BRIP1: variants seen among roughly 807,000 people sequenced by gnomAD.
The protein encoded by BRIP1 is Fanconi anemia group J protein.
In BRIP1, 88 loss-of-function variants were observed where a neutral mutation model predicts 119.7. The ratio of observed to expected loss-of-function variants is 0.74; its 90% CI spans 0.62 to 0.88. The LOEUF is 0.88. Ranked by LOEUF, BRIP1 falls within the 40% of genes least tolerant of loss-of-function variation. The probability of loss-of-function intolerance (pLI) is 0.00; values close to 1 mark genes in which losing one functional copy is unlikely to be tolerated. For missense variants in BRIP1, 1,259 were observed against 1,455.4 expected, an observed-to-expected ratio of 0.87 and a Z score of 2.20; for synonymous variants, 443 against 496.5, an observed-to-expected ratio of 0.89 and a Z score of 1.43.
rs973385731 is a variant in BRIP1 at position 61,753,781 on chromosome 17, A to G, written c.2098-9190T>C. Among the ~76,000 whole-genome samples, 2 of 151,830 alleles carry G rather than the reference A, an allele frequency of 1.3e-5. No homozygotes were observed. Among genetic ancestry groups the G allele is most frequent in the African/African-American group, 2.4e-5 (1 of 41,316 alleles). Reference sequence around the variant, plus strand: ...CATGTCTGGCTTGAAAAGAACAACAACAACAACAACAACAAAAAACCAGAG... The same window carrying G: ...CATGTCTGGCTTGAAAAGAACAACAGCAACAACAACAACAAAAAACCAGAG... On this transcript the variant is annotated intron_variant, in intron 14 of 19. Coordinates refer to ENST00000259008, the MANE Select transcript of BRIP1 (RefSeq NM_032043.3). The surrounding 1 kb of genome is among the most constrained non-coding windows in gnomAD (Gnocchi z 4.6).
rs1023121634 is a variant in BRIP1 at position 61,767,954 on chromosome 17, C to A, written c.2097+8447G>T. Among the ~76,000 whole-genome samples the A allele has an allele frequency of 3.9e-5, 6 of 152,160 alleles. No homozygotes were observed. Among genetic ancestry groups the A allele is most frequent in the African/African-American group, 1.4e-4 (6 of 41,446 alleles). ...TATCAACCACCTCCTCTAGGAAACT[C>A]CTCTGCTTCATTCAATCACATGTGA... On this transcript the variant is annotated intron_variant, in intron 14 of 19. Coordinates refer to ENST00000259008, the MANE Select transcript of BRIP1 (RefSeq NM_032043.3). The surrounding 1 kb of genome is among the most constrained non-coding windows in gnomAD (Gnocchi z 5.7).
chr17:61,796,437 T>C lies in BRIP1; in HGVS notation c.1340+2663A>G, dbSNP rs1039535569. On this transcript the variant is annotated intron_variant, in intron 9 of 19. Transcript: ENST00000259008. This position sits in a 1 kb window ranked among gnomAD's most constrained non-coding sequence, Gnocchi z 4.8. ...ATTTTGATTTGATTTTTGTTAATGG[T>C]GAAAGATAGGGGTCTTGTTTTATTC... Among the ~76,000 whole-genome samples the C allele has an allele frequency of 1.3e-5, 2 of 152,080 alleles. No individual in the cohort carries two copies. The highest frequency in any genetic ancestry group is 4.8e-5 in the African/African-American group (2 of 41,440).
chr17:61,741,883 C>T (rs2076991406), intron 16 of BRIP1, among the ~76,000 whole-genome samples: 1 of 152,208 alleles, frequency 6.6e-6, no homozygotes. Context: ...GCTGCACTGG[C>T]CCATCACAAG....
At position 61,793,695 on chromosome 17, in the gene BRIP1, T is replaced by C. The variant is rs752052351; in HGVS notation, c.1375A>G (p.Arg459Gly). Residue 459 changes from arginine (R) to glycine (G), a missense_variant, in exon 10 of 20, where the codon AGA (arginine) becomes GGA (glycine). Coordinates refer to ENST00000259008, the MANE Select transcript of BRIP1 (RefSeq NM_032043.3). The surrounding 1 kb of genome is among the most constrained non-coding windows in gnomAD (Gnocchi z 5.2). ...ATTTTACAAGCTGATTCATAATCTC[T>C]TTCTACAAGATATTCAGCGTTTGCT... is the stretch of plus-strand genomic sequence containing the variant. The part of the protein sequence containing the change: ...LEANAEYLVE[R>G]DYESACKIWS... 4 of 1,610,664 alleles carry C rather than the reference T, an allele frequency of 2.5e-6. No homozygotes were observed. Among genetic ancestry groups the C allele is most frequent in the East Asian group, 2.2e-5 (1 of 44,712 alleles).
At chr17:61,786,935 A>ATTTATATATAATATATTTAT (rs1555604355) in intron 10 of BRIP1, among the ~76,000 whole-genome samples, 82 of 6,878 alleles carry the variant, frequency 0.012, no homozygotes, top group Non-Finnish European at 0.019. Flanking sequence ...ATTTATATAT[A>ATTTATATATAATATATTTAT]ATATATTTAT....
chr17:61,735,559 C>T lies in BRIP1; in HGVS notation c.2379+7454G>A, dbSNP rs909454495. Among the ~76,000 whole-genome samples the T allele has an allele frequency of 7.4e-5, 11 of 149,008 alleles. No individual in the cohort carries two copies. Among genetic ancestry groups the T allele is most frequent in the Admixed American group, 1.3e-4 (2 of 14,946 alleles). ...ATCCCAGCACTTTGGGAGGCTGACG[C>T]GGGTGGATTACTTGAGCTCAGGAGT... On this transcript the variant is annotated intron_variant, in intron 16 of 19. Coordinates refer to ENST00000259008, the MANE Select transcript of BRIP1 (RefSeq NM_032043.3). This position sits in a 1 kb window ranked among gnomAD's most constrained non-coding sequence, Gnocchi z 4.4.
intron 17 of BRIP1, among the ~76,000 whole-genome samples, chr17:61,707,545 T>C (rs2061709079): frequency 1.3e-5 from 2 of 152,204 alleles, no homozygotes; most frequent in Admixed American, 6.5e-5. Context: ...TATTGCATAC[T>C]GATCCTCTAA....
At chr17:61,773,922 A>G (rs1357749672) in intron 14 of BRIP1, among the ~76,000 whole-genome samples, 1 of 152,220 alleles carries the variant, frequency 6.6e-6, no homozygotes, top group African/African-American at 2.4e-5. Context: ...TGATCATTAA[A>G]CAGTCAGGAA....
intron 6 of BRIP1, among the ~76,000 whole-genome samples, chr17:61,829,035 T>A (rs899011197): frequency 4.0e-5 from 6 of 151,846 alleles, no homozygotes; most frequent in African/African-American, 1.5e-4. Context: ...TTTAATTAAT[T>A]CAAAGAAGAC....
At position 61,827,851 on chromosome 17, in the gene BRIP1, T is replaced by A. The variant is rs1567853035; in HGVS notation, c.628-19094A>T. 6.6e-6 allele frequency among the ~76,000 whole-genome samples: 1 copy of A among 152,110 alleles called. No homozygotes were observed. The highest frequency in any genetic ancestry group is 1.5e-5 in the Non-Finnish European group (1 of 68,014). ...GGAAATGCAAATCAAAAACACAAGA[T>A]ACCACTTCACACCCTTAAAAATGGC... On this transcript the variant is annotated intron_variant, in intron 6 of 19. Transcript: ENST00000259008. The surrounding 1 kb of genome is among the most constrained non-coding windows in gnomAD (Gnocchi z 5.8).
At position 61,849,199 on chromosome 17, in the gene BRIP1, A is replaced by G. The variant is rs774677996; in HGVS notation, c.437T>C (p.Ile146Thr). 6.2e-7 allele frequency: 1 copy of G among 1,613,006 alleles called. No homozygotes were observed. The highest frequency in any genetic ancestry group is 1.1e-5 in the South Asian group (1 of 91,058). The change falls in exon 5 of 20, where the codon ATA becomes ACA. Residue 146 changes from isoleucine (I) to threonine (T), a missense_variant. Transcript: ENST00000259008. ...AKLSAKKQAS[I>T]YRDENDDFQV... ...AAAATCATCATTTTCATCTCTGTATATGGATGCCTGTTTCTTAGCAGATAA... is the reference window on the plus strand; with the variant it reads ...AAAATCATCATTTTCATCTCTGTATGTGGATGCCTGTTTCTTAGCAGATAA...
In BRIP1 at chr17:61,803,960, G is replaced by A. The variant is rs1026431748; in HGVS notation, c.919-2486C>T. Among the ~76,000 whole-genome samples the A allele has an allele frequency of 3.3e-5, 5 of 152,048 alleles. No individual in the cohort carries two copies. The highest frequency in any genetic ancestry group is 9.7e-5 in the African/African-American group (4 of 41,426). On this transcript the variant is annotated intron_variant, in intron 7 of 19. Coordinates refer to ENST00000259008, the MANE Select transcript of BRIP1 (RefSeq NM_032043.3). This position sits in a 1 kb window ranked among gnomAD's most constrained non-coding sequence, Gnocchi z 4.3. Reference sequence around the variant, plus strand: ...TAGCCCTTAAAAATGATTTAGATTTGTCTATGTGTTGATTAGGCTCTCTAT... The same window carrying A: ...TAGCCCTTAAAAATGATTTAGATTTATCTATGTGTTGATTAGGCTCTCTAT...
At chr17:61,839,093 C>T (rs2078621047) in intron 6 of BRIP1, among the ~76,000 whole-genome samples, 2 of 151,988 alleles carry the variant, frequency 1.3e-5, no homozygotes, top group South Asian at 4.1e-4. Context: ...CCCTATGACA[C>T]CCAAAAATCC....
intron 14 of BRIP1, among the ~76,000 whole-genome samples, chr17:61,747,733 C>G (rs545230320): frequency 6.6e-6 from 1 of 151,756 alleles, no homozygotes; most frequent in Admixed American, 6.6e-5. Flanking sequence ...CATTTCTTTG[C>G]TAATTAATTA....
At chr17:61,849,009 T>C in intron 5 of BRIP1, 120 bp downstream of exon 5, 1 of 1,094,372 alleles carries the variant, frequency 9.1e-7, no homozygotes, top group Non-Finnish European at 1.4e-6. Flanking sequence ...CAACAAATTA[T>C]TAATTTATGG....
intron 10 of BRIP1, among the ~76,000 whole-genome samples, chr17:61,785,117 G>C (rs916756876): frequency 2.6e-5 from 4 of 152,154 alleles, no homozygotes; most frequent in African/African-American, 9.7e-5. Flanking sequence ...TAAAAATGTA[G>C]CAAATGGCTT....
intron 17 of BRIP1, among the ~76,000 whole-genome samples, chr17:61,696,985 C>CA (rs775489853): frequency 0.035 from 2,507 of 72,224 alleles, 63 homozygotes; most frequent in Non-Finnish European, 0.044. Flanking sequence ...GACTCTGTCT[C>CA]AAAAAAAAAA....
intron 13 of BRIP1, among the ~76,000 whole-genome samples, chr17:61,779,864 G>A (rs1011744589): frequency 6.6e-6 from 1 of 151,346 alleles, no homozygotes; most frequent in Non-Finnish European, 1.5e-5. Context: ...GCTGAAGCAG[G>A]AGAATTGCTT....
At position 61,755,910 on chromosome 17, in the gene BRIP1, A is replaced by G. The variant is rs145890956; in HGVS notation, c.2098-11319T>C. On this transcript the variant is annotated intron_variant, in intron 14 of 19. Transcript: ENST00000259008. The surrounding 1 kb of genome is among the most constrained non-coding windows in gnomAD (Gnocchi z 4.5). The stretch of plus-strand genomic sequence containing the variant: ...GGTCTATCCGGATTTTAGTTCGGGC[A>G]AAGAGCTATGAGGAACACTTCATAA... Among the ~76,000 whole-genome samples, 1,933 of 152,330 alleles carry G rather than the reference A, an allele frequency of 0.013. 35 individuals are homozygous for G. Among genetic ancestry groups the G allele is most frequent in the Non-Finnish European group, 0.014 (985 of 68,034 alleles).
Sources: allele counts gnomAD v4.1 joint callset (sites outside exome capture counted in the v4.1 genomes callset), GRCh38; gene constraint gnomAD v4.1.1; non-coding constraint Gnocchi (gnomAD v3.1); transcripts MANE v1.5; gene names NCBI Gene and HGNC (gene_info 2026-07-23, HGNC 2026-07-21).